MMP16: variants seen among roughly 807,000 people sequenced by gnomAD.
MMP16 encodes the protein matrix metalloproteinase-16.
A neutral mutation model predicts 67.8 loss-of-function variants in MMP16; 12 were observed. That is an observed-to-expected ratio of 0.18 (90% CI 0.11 to 0.29). The LOEUF (loss-of-function observed/expected upper bound fraction) is 0.29, where lower values mean the gene tolerates loss of function less well. Ranked by LOEUF, MMP16 falls within the 10% of genes least tolerant of loss-of-function variation. The pLI, the probability that MMP16 is intolerant of heterozygous loss-of-function variation, is 1.00. For synonymous variants in MMP16, 249 were observed against 255.9 expected (o/e 0.97, Z 0.26); for missense variants, 475 against 765.7 (o/e 0.62, Z 4.48).
chr8:88,060,846 C>T (rs761391486), intron 7 of MMP16, among the ~76,000 whole-genome samples: 4 of 151,878 alleles, frequency 2.6e-5, no homozygotes, highest in Non-Finnish European at 5.9e-5. Context: ...TGCAAAGAAC[C>T]ATGTTTAATA....
Position 88,191,169 on chromosome 8 carries a change from T to A in MMP16, c.282-4571A>T, listed in dbSNP as rs191759570. Among the ~76,000 whole-genome samples, 77 of 152,270 alleles carry A rather than the reference T, an allele frequency of 5.1e-4. 1 individual carries two copies. The highest frequency in any genetic ancestry group is 1.7e-3 in the African/African-American group (71 of 41,566). On this transcript the variant is annotated intron_variant, in intron 2 of 9. Coordinates refer to ENST00000286614, the MANE Select transcript of MMP16 (RefSeq NM_005941.5). ...AAAGAAAAAAAATCTAAATCAGTGC[T>A]TTTGAGAGGAGTATAAAAATTGAAA...
chr8:88,190,670 CA>C (rs992161877), intron 2 of MMP16, among the ~76,000 whole-genome samples: 1 of 152,078 alleles, frequency 6.6e-6, no homozygotes, highest in Admixed American at 6.6e-5. Context: ...ACACAAAAAA[CA>C]GGAATATATA....
Position 88,049,819 on chromosome 8 carries a change from T to A in MMP16, c.1374-3035A>T, listed in dbSNP as rs191754505. Among the ~76,000 whole-genome samples, 5 of 150,912 alleles carry A rather than the reference T, an allele frequency of 3.3e-5. No homozygotes were observed. In the East Asian group the frequency reaches 9.8e-4, roughly 29 times the overall value. Reference sequence around the variant, plus strand: ...TGGATGGATTGCTTGAGCCCACGAGTTTGAGAACAGCCTAGGCAACATGGT... The same window carrying A: ...TGGATGGATTGCTTGAGCCCACGAGATTGAGAACAGCCTAGGCAACATGGT... On this transcript the variant is annotated intron_variant, in intron 8 of 9. Transcript: ENST00000286614.
intron 3 of MMP16, among the ~76,000 whole-genome samples, chr8:88,176,760 T>A (rs1408170084): frequency 1.3e-5 from 2 of 152,214 alleles, no homozygotes; most frequent in African/African-American, 4.8e-5. Context: ...TGATCTATTG[T>A]CTGTATTACT....
In MMP16 at chr8:88,058,230, G is replaced by C. The variant is rs2118231253; in HGVS notation, c.1223-1952C>G. On this transcript the variant is annotated intron_variant, in intron 7 of 9. Coordinates refer to ENST00000286614, the MANE Select transcript of MMP16 (RefSeq NM_005941.5). This position sits in a 1 kb window ranked among gnomAD's most constrained non-coding sequence, Gnocchi z 4.2. ...GGAATCTTACTTAGAGTGTACTGGAGGCCATCAAGGAGATTAAGTTTGTGT... is the reference window on the plus strand; with the variant it reads ...GGAATCTTACTTAGAGTGTACTGGACGCCATCAAGGAGATTAAGTTTGTGT... Among the ~76,000 whole-genome samples, 1 of 152,158 alleles carries C rather than the reference G, an allele frequency of 6.6e-6. No individual in the cohort carries two copies. The highest frequency in any genetic ancestry group is 1.5e-5 in the Non-Finnish European group (1 of 67,978).
In MMP16 at chr8:88,141,918, T is replaced by A. The variant is rs1050288202; in HGVS notation, c.710-23057A>T. On this transcript the variant is annotated intron_variant, in intron 4 of 9. Transcript: ENST00000286614. ...AAACTAAATTTTATGCACATAAATA[T>A]GTTTTTTTTTTTTTGAGACAGAGTC... 2.7e-5 allele frequency among the ~76,000 whole-genome samples: 4 copies of A among 147,270 alleles called. No homozygotes were observed. The Admixed American group carries it at 2.8e-4, about 10-fold the overall frequency.
At chr8:88,067,412 G>C (rs1808477604) in intron 7 of MMP16, among the ~76,000 whole-genome samples, 1 of 151,994 alleles carries the variant, frequency 6.6e-6, no homozygotes, top group African/African-American at 2.4e-5. Context: ...TATGCACTTA[G>C]TAAAGCTTCT....
chr8:88,043,935 T>C (rs1808166403), intron 9 of MMP16, among the ~76,000 whole-genome samples: 1 of 152,106 alleles, frequency 6.6e-6, no homozygotes, highest in Admixed American at 6.5e-5. Flanking sequence ...TCAAAATAGG[T>C]GAATGTACTT....
At chr8:88,161,775 G>GCC (rs1808628418) in intron 4 of MMP16, among the ~76,000 whole-genome samples, 1 of 152,092 alleles carries the variant, frequency 6.6e-6, no homozygotes, top group African/African-American at 2.4e-5. Flanking sequence ...TGGTTTCAAA[G>GCC]AACATCTTTA....
intron 7 of MMP16, among the ~76,000 whole-genome samples, chr8:88,061,159 C>T (rs1375452137): frequency 1.3e-5 from 2 of 151,364 alleles, no homozygotes; most frequent in African/African-American, 4.8e-5. Context: ...CACACACACA[C>T]ACACACACAC....
intron 1 of MMP16, chr8:88,326,754 T>C (rs571526506): frequency 8.7e-6 from 2 of 228,870 alleles, no homozygotes; most frequent in African/African-American, 4.5e-5. Context: ...TTATCCATCA[T>C]AAACTCAAGC....
chr8:88,263,495 AACAG>A (rs1218776144), intron 1 of MMP16, among the ~76,000 whole-genome samples: 1 of 152,142 alleles, frequency 6.6e-6, no homozygotes, highest in Non-Finnish European at 1.5e-5. Context: ...TGGCTTAAAC[AACAG>A]ACAGTTATTG....
At chr8:88,088,058 T>C (rs1323624597) in intron 6 of MMP16, among the ~76,000 whole-genome samples, 1 of 100,058 alleles carries the variant, frequency 1.0e-5, no homozygotes, top group Non-Finnish European at 1.9e-5. Context: ...CTATTATATC[T>C]ATATATAATA....
chr8:88,178,481 T>C (rs1301368015), intron 3 of MMP16, among the ~76,000 whole-genome samples: 1 of 152,102 alleles, frequency 6.6e-6, no homozygotes, highest in Non-Finnish European at 1.5e-5. Context: ...ACATCCCAAA[T>C]TGAAAAAAGA....
chr8:88,266,747 T>G (rs1390235516), intron 1 of MMP16, among the ~76,000 whole-genome samples: 1 of 152,182 alleles, frequency 6.6e-6, no homozygotes, highest in East Asian at 1.9e-4. Flanking sequence ...GGTGAGCAAC[T>G]GTTCCGTTGT....
At chr8:88,316,373 G>A (rs1365836833) in intron 1 of MMP16, among the ~76,000 whole-genome samples, 1 of 152,146 alleles carries the variant, frequency 6.6e-6, no homozygotes, top group Non-Finnish European at 1.5e-5. Context: ...AGGACAGACT[G>A]ACTTTCTTGA....
intron 1 of MMP16, among the ~76,000 whole-genome samples, chr8:88,246,817 AAT>A (rs1384149946): frequency 6.6e-6 from 1 of 152,182 alleles, no homozygotes; most frequent in Non-Finnish European, 1.5e-5. Flanking sequence ...AAAATCAAGT[AAT>A]TAAAATATCC....
intron 4 of MMP16, among the ~76,000 whole-genome samples, chr8:88,143,137 C>T (rs1160234768): frequency 1.3e-5 from 2 of 151,828 alleles, no homozygotes; most frequent in Admixed American, 6.6e-5. Context: ...TAAAATATCT[C>T]GGTAAATTAA....
intron 6 of MMP16, among the ~76,000 whole-genome samples, chr8:88,101,936 T>C (rs964264461): frequency 1.3e-5 from 2 of 151,860 alleles, no homozygotes; most frequent in African/African-American, 2.4e-5. Flanking sequence ...ATGAGCCTCA[T>C]TAAAAACATC....
Sources: allele counts gnomAD v4.1 joint callset (sites outside exome capture counted in the v4.1 genomes callset), GRCh38; gene constraint gnomAD v4.1.1; non-coding constraint Gnocchi (gnomAD v3.1); transcripts MANE v1.5; gene names NCBI Gene and HGNC (gene_info 2026-07-23, HGNC 2026-07-21).